The following PPP1R21 variants were observed in gnomAD, a reference collection of about 807,000 sequenced individuals.
The protein encoded by PPP1R21 is protein phosphatase 1 regulatory subunit 21, also known as KLRAQ motif containing 1.
PPP1R21 carries 85 observed loss-of-function variants against 112.8 expected under a neutral mutation model. The observed-to-expected ratio is 0.75, with a 90% CI of 0.63 to 0.90. The LOEUF (loss-of-function observed/expected upper bound fraction) is 0.90, where lower values mean the gene tolerates loss of function less well. PPP1R21 is among the 40% of genes least tolerant of loss of function. The pLI, the probability that PPP1R21 is intolerant of heterozygous loss-of-function variation, is 0.00. For synonymous variants in PPP1R21, 381 were observed against 322.3 expected (o/e 1.18, Z -1.95); for missense variants, 1,199 against 901.5 (o/e 1.33, Z -4.23).
chr2:48,511,233 G>A, intron 20 of PPP1R21, 107 bp from the exon 21 acceptor site: 2 of 1,082,130 alleles, frequency 1.8e-6, no homozygotes, highest in Non-Finnish European at 1.3e-6. Flanking sequence ...TAAATTATTG[G>A]GAAACTATAA....
chr2:48,483,420 T>C (rs1266465898), intron 13 of PPP1R21, among the ~76,000 whole-genome samples: 1 of 152,082 alleles, frequency 6.6e-6, no homozygotes, highest in Admixed American at 6.5e-5. Flanking sequence ...TGACCTCAAG[T>C]GATCCGCCTG....
At chr2:48,502,003 A>G (rs968885393) in intron 17 of PPP1R21, 9 of 152,188 alleles carry the variant, frequency 5.9e-5, no homozygotes, top group African/African-American at 2.2e-4. Context: ...CAATTTTAGT[A>G]CATGTGCTGC....
chr2:48,467,619 T>A (rs1417162111), intron 9 of PPP1R21, among the ~76,000 whole-genome samples: 3 of 152,200 alleles, frequency 2.0e-5, no homozygotes, highest in African/African-American at 7.2e-5. Context: ...TCTTTGAGTG[T>A]CCTCATAAAT....
intron 9 of PPP1R21, 74 bp from the exon 10 acceptor site, chr2:48,471,013 G>T: frequency 1.0e-6 from 1 of 995,240 alleles, no homozygotes; most frequent in Non-Finnish European, 1.6e-6. Context: ...ATAATTTGGT[G>T]GGTCCATTTA....
chr2:48,509,070 T>TA lies in PPP1R21; in HGVS notation c.2086-944dup, dbSNP rs758355336. Among the ~76,000 whole-genome samples the TA allele has an allele frequency of 5.3e-5, 8 of 152,302 alleles. No individual in the cohort carries two copies. In the South Asian group the frequency reaches 6.2e-4, roughly 12 times the overall value. On this transcript the variant is annotated intron_variant, in intron 19 of 21. Transcript: ENST00000294952. ...AAGTTTAGTGAGCCTTTTAATTTCA[T>TA]ACCCTCTTTGAACAATATTGTGAAA... is the stretch of plus-strand genomic sequence containing the variant.
Position 48,507,749 on chromosome 2 carries a change from C to CTTTTTTTTT in PPP1R21, c.2085+390_2085+398dup, listed in dbSNP as rs34546075. ...AAGACTGATTTGAGTGAGGCTCTGC[C>CTTTTTTTTT]TTTTTTTTTTTTTTTTTTTTTTTTT... On this transcript the variant is annotated intron_variant, in intron 19 of 21. Transcript: ENST00000294952. Among the ~76,000 whole-genome samples, 167 of 42,402 alleles carry CTTTTTTTTT rather than the reference C, an allele frequency of 3.9e-3. 39 individuals are homozygous for CTTTTTTTTT. The highest frequency in any genetic ancestry group is 0.031 in the Middle Eastern group (1 of 32). The allele number at this position is 42,402 out of a possible 152,430, so 27.8% of individuals were successfully genotyped here.
chr2:48,456,574 A>G (rs1037906938), intron 3 of PPP1R21, among the ~76,000 whole-genome samples: 4 of 152,242 alleles, frequency 2.6e-5, no homozygotes, highest in Non-Finnish European at 4.4e-5. Flanking sequence ...GTATGGTATC[A>G]TGTAAAAGTG....
intron 9 of PPP1R21, among the ~76,000 whole-genome samples, chr2:48,468,954 G>T (rs181502900): frequency 6.6e-6 from 1 of 151,970 alleles, no homozygotes; most frequent in African/African-American, 2.4e-5. Flanking sequence ...AAGAAAAAGA[G>T]ATTTAATTGG....
In PPP1R21 at chr2:48,460,786, A is replaced by G. The variant is rs142037555; in HGVS notation, c.600-352A>G. ...CTTAAAAAAAGTCTATAGTGATACT[A>G]GTGAATACTTATGTGTTGTAACGAG... On this transcript the variant is annotated intron_variant, in intron 6 of 21. Transcript: ENST00000294952. Among the ~76,000 whole-genome samples the G allele has an allele frequency of 2.4e-3, 364 of 152,342 alleles. 1 individual carries two copies. Among genetic ancestry groups the G allele is most frequent in the Non-Finnish European group, 4.0e-3 (269 of 68,036 alleles).
rs1572881195 is a variant in PPP1R21 at position 48,492,168 on chromosome 2, T to G, written c.1599+998T>G. ...AAACACATTCTTATATTAAATTAGA[T>G]CATTACAGGTAAATTATAATCCCTA... On this transcript the variant is annotated intron_variant, in intron 15 of 21. Coordinates refer to ENST00000294952, the MANE Select transcript of PPP1R21 (RefSeq NM_001135629.3). Among the ~76,000 whole-genome samples, 3 of 152,242 alleles carry G rather than the reference T, an allele frequency of 2.0e-5. No individual in the cohort carries two copies. The East Asian group carries it at 5.8e-4, about 29-fold the overall frequency.
intron 3 of PPP1R21, among the ~76,000 whole-genome samples, chr2:48,455,211 A>G (rs1164116181): frequency 2.2e-5 from 3 of 137,312 alleles, no homozygotes; most frequent in Non-Finnish European, 4.6e-5. Flanking sequence ...CAATGGCACG[A>G]TCTTAGCTCA....
intron 2 of PPP1R21, among the ~76,000 whole-genome samples, chr2:48,453,454 A>G (rs947440083): frequency 6.6e-6 from 1 of 152,224 alleles, no homozygotes; most frequent in Non-Finnish European, 1.5e-5. Context: ...CGGCTTCCCA[A>G]AGTGCTGGGA....
At chr2:48,441,074 G>T (rs374977347) in intron 1 of PPP1R21, 64 bp downstream of exon 1, 3 of 1,149,850 alleles carry the variant, frequency 2.6e-6, no homozygotes, top group Non-Finnish European at 3.9e-6. Context: ...CCGTGGCAGC[G>T]ACTTGTCGGG....
chr2:48,506,584 G>T (rs1670388986), intron 18 of PPP1R21, among the ~76,000 whole-genome samples: 1 of 152,168 alleles, frequency 6.6e-6, no homozygotes, highest in Non-Finnish European at 1.5e-5. Context: ...GTCATTGTTT[G>T]AGTAACTAGT....
At chr2:48,452,960 T>A (rs1484792613) in intron 2 of PPP1R21, among the ~76,000 whole-genome samples, 2 of 151,396 alleles carry the variant, frequency 1.3e-5, no homozygotes, top group African/African-American at 4.8e-5. Flanking sequence ...GTTCCTTTTT[T>A]TTTTTTTTTT....
rs1667892652 is a variant in PPP1R21 at position 48,459,746 on chromosome 2, C to CT, written c.376-3dup. 6.2e-7 allele frequency: 1 copy of CT among 1,607,920 alleles called. No individual in the cohort carries two copies. Among genetic ancestry groups the CT allele is most frequent in the African/African-American group, 1.3e-5 (1 of 74,460 alleles). ...TTGTGAGAAGAGAAAATGGTCTTCT[C>CT]TTTTTAGTTTTTTGAAGCTGATGAG... On this transcript the variant is annotated splice_polypyrimidine_tract_variant and splice_region_variant and intron_variant, in intron 4 of 21. Coordinates refer to ENST00000294952, the MANE Select transcript of PPP1R21 (RefSeq NM_001135629.3).
At chr2:48,514,666 A>T (rs1558539009) in intron 21 of PPP1R21, 49 bp from the exon 22 acceptor site, 1 of 1,339,862 alleles carries the variant, frequency 7.5e-7, no homozygotes, top group South Asian at 1.2e-5. Flanking sequence ...TATGTGAGTT[A>T]TTTTTTTTTA....
intron 1 of PPP1R21, among the ~76,000 whole-genome samples, chr2:48,445,399 A>G (rs527856600): frequency 1.3e-5 from 2 of 152,170 alleles, no homozygotes; most frequent in Non-Finnish European, 2.9e-5. Context: ...ACTTGTAGCT[A>G]TTGAGTACTC....
chr2:48,474,817 C>T lies in PPP1R21; in HGVS notation c.1223C>T (p.Pro408Leu), dbSNP rs199753161. ...ACTTACATAGCTCTTCTTGCCTTGC[C>T]AAGTAAGTATGTTTGTTGCTTAGGG... is the stretch of plus-strand genomic sequence containing the variant. The part of the protein sequence containing the change: ...LQTYIALLAL[P>L]STEPDGLLRT... The change falls in exon 12 of 22, where the codon CCA (proline) becomes CTA (leucine). Residue 408 changes from proline to leucine, a missense_variant and splice_region_variant. Transcript: ENST00000294952. 6.8e-6 allele frequency: 11 copies of T among 1,611,452 alleles called. No homozygotes were observed. The highest frequency in any genetic ancestry group is 8.5e-7 in the Non-Finnish European group (1 of 1,179,054).
Sources: allele counts gnomAD v4.1 joint callset (sites outside exome capture counted in the v4.1 genomes callset), GRCh38; gene constraint gnomAD v4.1.1; transcripts MANE v1.5; gene names NCBI Gene and HGNC (gene_info 2026-07-23, HGNC 2026-07-21).